The following ADAMTS20 variants were observed in gnomAD, a reference collection of about 807,000 sequenced individuals.
ADAMTS20 encodes ADAM metallopeptidase with thrombospondin type 1 motif 20.
A neutral mutation model predicts 260.1 loss-of-function variants in ADAMTS20; 225 were observed. The observed-to-expected ratio is 0.87, with a 90% CI of 0.78 to 0.97. The LOEUF is 0.97. Among genes scored for constraint, ADAMTS20 ranks in the 50% least tolerant of loss-of-function variants. The pLI is 0.00. For missense variants in ADAMTS20, 2,400 were observed against 2,337.7 expected (o/e 1.03, Z -0.55); for synonymous variants, 802 against 769.5 (o/e 1.04, Z -0.70).
At chr12:43,442,732 CTAAATG>C (rs953076382) in intron 16 of ADAMTS20, among the ~76,000 whole-genome samples, 1 of 152,138 alleles carries the variant, frequency 6.6e-6, no homozygotes, top group Non-Finnish European at 1.5e-5. Flanking sequence ...AGAATTTCAA[CTAAATG>C]TAAAAGGCTA....
At chr12:43,518,235 T>G (rs142769218) in intron 3 of ADAMTS20, among the ~76,000 whole-genome samples, 1 of 152,140 alleles carries the variant, frequency 6.6e-6, no homozygotes, top group African/African-American at 2.4e-5. Flanking sequence ...GTTTTACTTA[T>G]GCAAATATTC....
chr12:43,502,079 T>G, intron 4 of ADAMTS20, 73 bp downstream of exon 4: 1 of 1,397,926 alleles, frequency 7.2e-7, no homozygotes, highest in Non-Finnish European at 9.5e-7. Context: ...GAAAAAAAAT[T>G]TAATTCGACA....
intron 37 of ADAMTS20, among the ~76,000 whole-genome samples, chr12:43,357,209 G>C (rs1228940137): frequency 6.6e-6 from 1 of 152,112 alleles, no homozygotes; most frequent in Non-Finnish European, 1.5e-5. Flanking sequence ...GGTAACATTT[G>C]TGTCATATTT....
chr12:43,418,012 G>A (rs1303223150), intron 28 of ADAMTS20, among the ~76,000 whole-genome samples: 2 of 152,200 alleles, frequency 1.3e-5, no homozygotes, highest in African/African-American at 4.8e-5. Context: ...TGCTGCTGCT[G>A]CTGGTGGTTG....
At chr12:43,476,943 T>A (rs1335941749) in intron 7 of ADAMTS20, among the ~76,000 whole-genome samples, 11 of 142,402 alleles carry the variant, frequency 7.7e-5, no homozygotes, top group Non-Finnish European at 1.2e-4. Flanking sequence ...CATGTATACA[T>A]ATGTAACTAA....
chr12:43,366,019 G>A (rs1054268077), intron 37 of ADAMTS20, among the ~76,000 whole-genome samples: 1 of 151,560 alleles, frequency 6.6e-6, no homozygotes, highest in Admixed American at 6.6e-5. Flanking sequence ...AAAGTAAAAT[G>A]GCAGATGTAA....
chr12:43,363,914 C>T (rs565339299), intron 37 of ADAMTS20, among the ~76,000 whole-genome samples: 1 of 152,218 alleles, frequency 6.6e-6, no homozygotes, highest in South Asian at 2.1e-4. Context: ...GTTATTTATG[C>T]CCCCAAAATA....
intron 14 of ADAMTS20, among the ~76,000 whole-genome samples, chr12:43,449,774 A>G (rs1415514214): frequency 6.6e-6 from 1 of 152,192 alleles, no homozygotes; most frequent in African/African-American, 2.4e-5. Context: ...ATCTAGTTGT[A>G]TGTAACATTT....
intron 3 of ADAMTS20, among the ~76,000 whole-genome samples, chr12:43,503,253 A>T (rs981348503): frequency 7.3e-5 from 11 of 151,694 alleles, no homozygotes; most frequent in African/African-American, 2.7e-4. Context: ...AATTTTTCTG[A>T]CAATTGTTTG....
At chr12:43,447,231 C>G (rs1941779465) in intron 14 of ADAMTS20, among the ~76,000 whole-genome samples, 1 of 151,524 alleles carries the variant, frequency 6.6e-6, no homozygotes, top group African/African-American at 2.4e-5. Context: ...AATACTGATA[C>G]AAAAATCCTC....
At chr12:43,376,439 G>A in intron 33 of ADAMTS20, 85 bp downstream of exon 33, 1 of 1,473,066 alleles carries the variant, frequency 6.8e-7, no homozygotes, top group East Asian at 2.3e-5. Context: ...TTGTTTTGTG[G>A]AGTGTGAAAC....
intron 36 of ADAMTS20, among the ~76,000 whole-genome samples, chr12:43,373,183 TAAGG>T (rs1940142922): frequency 6.6e-6 from 1 of 152,204 alleles, no homozygotes; most frequent in East Asian, 1.9e-4. Flanking sequence ...CATGCAAGTT[TAAGG>T]AAGAAAAAGA....
At chr12:43,421,860 T>C (rs1365148243) in intron 28 of ADAMTS20, among the ~76,000 whole-genome samples, 1 of 152,084 alleles carries the variant, frequency 6.6e-6, no homozygotes, top group Non-Finnish European at 1.5e-5. Flanking sequence ...AAACATATAC[T>C]ATTCAACAAT....
Position 43,443,288 on chromosome 12 carries a change from A to G in ADAMTS20, c.2290+503T>C, listed in dbSNP as rs149771347. On this transcript the variant is annotated intron_variant, in intron 16 of 38. Transcript: ENST00000389420. Reference sequence around the variant, plus strand: ...TAAATTAAGTTTATACTTTAGAAATAGCTAACAGACAATATACTGTGACTA... The same window carrying G: ...TAAATTAAGTTTATACTTTAGAAATGGCTAACAGACAATATACTGTGACTA... Among the ~76,000 whole-genome samples the G allele has an allele frequency of 2.3e-3, 345 of 152,358 alleles. 1 individual carries two copies. The highest frequency in any genetic ancestry group is 7.8e-3 in the African/African-American group (325 of 41,584).
At chr12:43,550,819 G>T in intron 2 of ADAMTS20, 90 bp downstream of exon 2, 1 of 1,437,204 alleles carries the variant, frequency 7.0e-7, no homozygotes. Context: ...AGGGTCATCA[G>T]CCACCAACTC....
intron 10 of ADAMTS20, among the ~76,000 whole-genome samples, chr12:43,463,344 T>C (rs965394184): frequency 6.6e-6 from 1 of 152,184 alleles, no homozygotes; most frequent in Non-Finnish European, 1.5e-5. Flanking sequence ...CATAAGAATT[T>C]GCCAAAAGCC....
rs151060216 is a variant in ADAMTS20 at position 43,486,962 on chromosome 12, T to G, written c.1117+3433A>C. On this transcript the variant is annotated intron_variant, in intron 7 of 38. Transcript: ENST00000389420. ...AGATGTGGTAAAAAAGAAATGCAAG[T>G]ACACTGCTGATAACAATGTAAGTTA... Among the ~76,000 whole-genome samples the G allele has an allele frequency of 2.3e-3, 344 of 152,306 alleles. 1 individual carries two copies. Among genetic ancestry groups the G allele is most frequent in the African/African-American group, 7.8e-3 (324 of 41,576 alleles).
rs539918765 is a variant in ADAMTS20, at chr12:43,516,273, G to A, written c.614-13868C>T. 3.3e-5 allele frequency among the ~76,000 whole-genome samples: 5 copies of A among 152,264 alleles called. 1 individual carries two copies. Among genetic ancestry groups the A allele is most frequent in the African/African-American group, 1.2e-4 (5 of 41,554 alleles). On this transcript the variant is annotated intron_variant, in intron 3 of 38. Transcript: ENST00000389420. ...CAGTTTTCCCTTGCATTTGTACTCT[G>A]TGAATGCAGCCCAGTCAGACGTGTC...
Position 43,452,545 on chromosome 12 carries a change from A to G in ADAMTS20, c.1911T>C (p.Ser637=), listed in dbSNP as rs761718410. ...GKHLDISGIP[S]NVRWLPRYSG... ...TGTATCTTGGAAGCCACCTCACATT[A>G]GAGGGAATGCCACTGATGTCCAAAT... Residue 637 remains serine, a synonymous_variant, in exon 13 of 39, where the codon TCT becomes TCC. Coordinates refer to ENST00000389420, the MANE Select transcript of ADAMTS20 (RefSeq NM_025003.5). 1.2e-6 allele frequency: 2 copies of G among 1,613,506 alleles called. No individual in the cohort carries two copies. The highest frequency in any genetic ancestry group is 3.3e-5 in the Admixed American group (2 of 59,938).
Sources: allele counts gnomAD v4.1 joint callset (sites outside exome capture counted in the v4.1 genomes callset), GRCh38; gene constraint gnomAD v4.1.1; transcripts MANE v1.5; gene names NCBI Gene and HGNC (gene_info 2026-07-23, HGNC 2026-07-21).